The following ZNF324B variants were observed in gnomAD, a reference collection of about 807,000 sequenced individuals.
The protein encoded by ZNF324B is zinc finger protein 324B.
In ZNF324B, 7 loss-of-function variants were observed where a neutral mutation model predicts 10.6. That is an observed-to-expected ratio of 0.66 (90% CI 0.38 to 1.24). The LOEUF is 1.24. ZNF324B is among the 50% of genes most tolerant of loss of function. The pLI is 0.02. For missense variants in ZNF324B, 640 were observed against 764.7 expected (o/e 0.84, Z 1.92); for synonymous variants, 316 against 321.0 (o/e 0.98, Z 0.17).
the ZNF324B span, among the ~76,000 whole-genome samples, chr19:58,428,433 C>T: frequency 6.6e-6 from 1 of 152,136 alleles, no homozygotes; most frequent in Non-Finnish European, 1.5e-5. Flanking sequence ...GTACTGACTC[C>T]ACCATATTGT....
the ZNF324B span, chr19:58,433,576 C>G: frequency 1.3e-5 from 21 of 1,614,104 alleles, 1 homozygote; most frequent in East Asian, 3.3e-4. Context: ...AGGCCTTTCT[C>G]CAGTGTGAAC....
chr19:58,431,079 G>A, the ZNF324B span: 1 of 152,186 alleles, frequency 6.6e-6, no homozygotes, highest in Non-Finnish European at 1.5e-5. Flanking sequence ...TATGAATTTT[G>A]CTGTGCATGA....
the ZNF324B span, among the ~76,000 whole-genome samples, chr19:58,419,507 G>A: frequency 6.6e-6 from 1 of 152,310 alleles, no homozygotes; most frequent in South Asian, 2.1e-4. Flanking sequence ...AGGTTTCCTG[G>A]GGTGAGGGCA....
At chr19:58,431,908 C>T in the ZNF324B span, among the ~76,000 whole-genome samples, 2 of 152,140 alleles carry the variant, frequency 1.3e-5, no homozygotes, top group Admixed American at 6.5e-5. Flanking sequence ...AGGAGAATGG[C>T]GTGAGCCATT....
chr19:58,439,985 C>G, the ZNF324B span: 36 of 671,096 alleles, frequency 5.4e-5, no homozygotes, highest in Non-Finnish European at 8.7e-5. Flanking sequence ...ACGCGTGGCG[C>G]TGGCTCCACT....
In ZNF324B at chr19:58,455,326, G is replaced by A; in HGVS notation, c.382G>A (p.Ala128Thr). The change falls in exon 4 of 4, where the codon GCC becomes ACC. Residue 128 changes from alanine (A) to threonine (T), a missense_variant. Around this residue, in one of 3 missense-constraint regions of ZNF324B, gnomAD observed 345 missense variants for 387.9 expected, o/e 0.89. Coordinates refer to ENST00000336614, the MANE Select transcript of ZNF324B (RefSeq NM_207395.3). The surrounding 1 kb of genome is among the most constrained non-coding windows in gnomAD (Gnocchi z 7.0). ...AAAAAGCCTGCAGCGACAACCGGGT[G>A]CCTCCCCATCTCAGGAGAGAAAACC... ...SVKSLQRQPGASPSQERKPTG... is the reference protein window; with the variant it reads ...SVKSLQRQPGTSPSQERKPTG... 6.2e-7 allele frequency: 1 copy of A among 1,614,246 alleles called. No individual in the cohort carries two copies. Among genetic ancestry groups the A allele is most frequent in the Non-Finnish European group, 8.5e-7 (1 of 1,180,036 alleles).
chr19:58,451,973 GGCGCTGACAAGCCCGC>G, intron 1 of ZNF324B, among the ~76,000 whole-genome samples: 1 of 152,360 alleles, frequency 6.6e-6, no homozygotes, highest in East Asian at 1.9e-4. Context: ...TGGCGGCGGT[GGCGCTGACAAGCCCGC>G]GCCGGGGGGG....
At chr19:58,433,714 C>G in the ZNF324B span, 1 of 1,612,568 alleles carries the variant, frequency 6.2e-7, no homozygotes, top group Non-Finnish European at 8.5e-7. Flanking sequence ...AAAGAATTTC[C>G]CACATTCATT....
At chr19:58,434,781 G>A in the ZNF324B span, 5 of 1,614,190 alleles carry the variant, frequency 3.1e-6, no homozygotes, top group Non-Finnish European at 3.4e-6. Context: ...GCCCAAGATT[G>A]GAATATGGCT....
the ZNF324B span, chr19:58,441,591 T>C: frequency 3.6e-3 from 546 of 152,266 alleles, 6 homozygotes; most frequent in Middle Eastern, 3.4e-3. Flanking sequence ...TAGCGATGGA[T>C]TTTGTAGGTA....
chr19:58,435,890 GC>G, the ZNF324B span, among the ~76,000 whole-genome samples: 1 of 152,190 alleles, frequency 6.6e-6, no homozygotes, highest in Admixed American at 6.6e-5. Flanking sequence ...TAGGCACCTT[GC>G]CCAGCTTCTA....
the ZNF324B span, chr19:58,433,422 C>G: frequency 1.2e-6 from 2 of 1,614,158 alleles, no homozygotes; most frequent in Non-Finnish European, 1.7e-6. Context: ...TGTGAACTTT[C>G]TGGTGCCGAA....
At chr19:58,433,111 C>T in the ZNF324B span, 1 of 605,326 alleles carries the variant, frequency 1.7e-6, no homozygotes, top group South Asian at 2.2e-5. Context: ...TGGATCCAGG[C>T]AAGATGGAAA....
upstream of ZNF324B, among the ~76,000 whole-genome samples, chr19:58,447,189 G>A (rs889140070): frequency 1.3e-5 from 2 of 151,840 alleles, no homozygotes; most frequent in African/African-American, 4.8e-5. Flanking sequence ...TATTGGCCAG[G>A]CTGGTCTCAA....
chr19:58,456,919 G>C lies in ZNF324B; in HGVS notation c.*340G>C. The stretch of plus-strand genomic sequence containing the variant: ...GTGCTACTTCATGTGTTATGAGAGT[G>C]GATGCTGAGGTGAGGGGGATGCGGA... On this transcript the variant is annotated 3_prime_UTR_variant, in exon 4 of 4. Coordinates refer to ENST00000336614, the MANE Select transcript of ZNF324B (RefSeq NM_207395.3). The surrounding 1 kb of genome is among the most constrained non-coding windows in gnomAD (Gnocchi z 4.7). 2.7e-6 allele frequency: 1 copy of C among 373,692 alleles called. No individual in the cohort carries two copies. Among genetic ancestry groups the C allele is most frequent in the Non-Finnish European group, 4.9e-6 (1 of 202,842 alleles). 23.1% of individuals were successfully genotyped at this position (373,692 alleles called of 1,614,324 possible). A position where few individuals can be genotyped will look rare whatever the true frequency, so the allele number is the denominator to read the frequency against.
the ZNF324B span, chr19:58,440,365 G>A: frequency 6.4e-6 from 1 of 155,900 alleles, no homozygotes; most frequent in Admixed American, 6.5e-5. Flanking sequence ...CCCTCGCGGT[G>A]CCTCAGGGCT....
At chr19:58,439,162 C>T in the ZNF324B span, among the ~76,000 whole-genome samples, 1 of 152,216 alleles carries the variant, frequency 6.6e-6, no homozygotes, top group African/African-American at 2.4e-5. Flanking sequence ...AGCCAACCAT[C>T]TGTCCTACCT....
the ZNF324B span, chr19:58,445,660 C>T: frequency 2.8e-6 from 1 of 351,288 alleles, no homozygotes; most frequent in Non-Finnish European, 5.5e-6. Context: ...ACAAAAAATA[C>T]AAAAATCAGC....
chr19:58,434,736 G>C, the ZNF324B span: 3 of 1,614,176 alleles, frequency 1.9e-6, no homozygotes, highest in Admixed American at 5.0e-5. Context: ...TGCTGCACTC[G>C]AAGAGTTTCT....
Sources: allele counts gnomAD v4.1 joint callset (sites outside exome capture counted in the v4.1 genomes callset), GRCh38; gene constraint gnomAD v4.1.1; regional missense constraint gnomAD v4.1.1; non-coding constraint Gnocchi (gnomAD v3.1); transcripts MANE v1.5; gene names NCBI Gene and HGNC (gene_info 2026-07-23, HGNC 2026-07-21).